OLFML2A: variants seen among roughly 807,000 people sequenced by gnomAD.
OLFML2A encodes the protein olfactomedin-like protein 2A.
In OLFML2A, 47 loss-of-function variants were observed where a neutral mutation model predicts 60.9. The ratio of observed to expected loss-of-function variants is 0.77; its 90% confidence interval spans 0.61 to 0.98. OLFML2A has a LOEUF of 0.98. Ranked by LOEUF, OLFML2A falls within the 50% of genes least tolerant of loss-of-function variation. The pLI is 0.00. For missense variants in OLFML2A, 922 were observed against 879.8 expected (o/e 1.05, Z -0.61); for synonymous variants, 372 against 375.0 (o/e 0.99, Z 0.09).
At chr9:124,809,392 T>C (rs1482662236) in intron 7 of OLFML2A, among the ~76,000 whole-genome samples, 5 of 151,236 alleles carry the variant, frequency 3.3e-5, no homozygotes, top group African/African-American at 1.2e-4. Context: ...GCTAGGGAGG[T>C]CAGTGAAGGT....
At position 124,777,195 on chromosome 9, in the gene OLFML2A, G is replaced by C; in HGVS notation, c.-76G>C. 2.0e-6 allele frequency: 1 copy of C among 500,720 alleles called. No homozygotes were observed. The highest frequency in any genetic ancestry group is 3.0e-6 in the Non-Finnish European group (1 of 330,502). 31.0% of individuals were successfully genotyped at this position (500,720 alleles called of 1,614,324 possible). On this transcript the variant is annotated 5_prime_UTR_variant, in exon 1 of 8. Transcript: ENST00000373580. This position sits in a 1 kb window ranked among gnomAD's most constrained non-coding sequence, Gnocchi z 6.2. ...CGCGGGGCAGGCAGAGCGGGCGAAGGCGCGGAGCTCGCAGTGCAGCCCGCG... is the reference window on the plus strand; with the variant it reads ...CGCGGGGCAGGCAGAGCGGGCGAAGCCGCGGAGCTCGCAGTGCAGCCCGCG...
chr9:124,786,649 A>G (rs1397018462), intron 1 of OLFML2A, among the ~76,000 whole-genome samples: 1 of 150,772 alleles, frequency 6.6e-6, no homozygotes, highest in Non-Finnish European at 1.5e-5. Context: ...TGAACCCAGG[A>G]GGCGGAGCTT....
chr9:124,810,726 A>T lies in OLFML2A; in HGVS notation c.*314A>T. On this transcript the variant is annotated 3_prime_UTR_variant, in exon 8 of 8. Transcript: ENST00000373580. ...TCAGAGAGGCACCGTCCCTTGCCTA[A>T]CACCTCAGTTGTGATCAGGCAGGCT... The T allele has an allele frequency of 2.6e-6, 1 of 385,524 alleles. No homozygotes were observed. Among genetic ancestry groups the T allele is most frequent in the East Asian group, 5.3e-5 (1 of 19,002 alleles). The allele number at this position is 385,524 out of a possible 1,614,324, so 23.9% of individuals were successfully genotyped here.
chr9:124,795,765 A>G (rs565225805), intron 3 of OLFML2A, among the ~76,000 whole-genome samples: 1 of 152,308 alleles, frequency 6.6e-6, no homozygotes, highest in South Asian at 2.1e-4. Flanking sequence ...AGACTGTCTC[A>G]AAATAAAAAA....
chr9:124,794,958 T>G (rs1392434442), intron 2 of OLFML2A, 66 bp from the exon 3 acceptor site: 2 of 962,540 alleles, frequency 2.1e-6, no homozygotes, highest in African/African-American at 3.2e-5. Context: ...AGGGTTCCTT[T>G]TACCCTCTGT....
chr9:124,810,313 C>G lies in OLFML2A; in HGVS notation c.1860C>G (p.His620Gln), dbSNP rs780114840. ...CCCAGCTGCCGTTCCTCAACGAGCACGCCTACACCACCCAGATCGACTACA... is the reference window on the plus strand; with the variant it reads ...CCCAGCTGCCGTTCCTCAACGAGCAGGCCTACACCACCCAGATCGACTACA... ...ARPQLPFLNE[H>Q]AYTTQIDYNP... Residue 620 changes from histidine to glutamine, a missense_variant, in exon 8 of 8, where the codon CAC (histidine) becomes CAG (glutamine). His to Gln is a conservative substitution (Grantham distance 24). Transcript: ENST00000373580. The G allele has an allele frequency of 6.2e-7, 1 of 1,607,526 alleles. No individual in the cohort carries two copies.
chr9:124,792,398 A>T (rs1841585238), intron 2 of OLFML2A, among the ~76,000 whole-genome samples: 1 of 151,916 alleles, frequency 6.6e-6, no homozygotes, highest in Non-Finnish European at 1.5e-5. Context: ...GTGTCCCCTG[A>T]TCTGGATGCC....
At chr9:124,785,407 T>C (rs984538009) in intron 1 of OLFML2A, among the ~76,000 whole-genome samples, 4 of 132,534 alleles carry the variant, frequency 3.0e-5, no homozygotes, top group African/African-American at 5.9e-5. Context: ...TTTTTTTTTT[T>C]TTTTTTTTGA....
intron 1 of OLFML2A, among the ~76,000 whole-genome samples, chr9:124,784,944 T>G (rs13300849): frequency 3.9e-5 from 3 of 76,680 alleles, no homozygotes; most frequent in Non-Finnish European, 7.2e-5. Flanking sequence ...CTTTTACTTG[T>G]TTTTTTTTTT....
At chr9:124,788,283 C>T (rs1477965854) in intron 2 of OLFML2A, among the ~76,000 whole-genome samples, 1 of 145,434 alleles carries the variant, frequency 6.9e-6, no homozygotes. Context: ...GCCTGAACGA[C>T]AGAGCGAGAC....
In OLFML2A at chr9:124,812,708, G is replaced by C. The variant is rs989331284; in HGVS notation, c.*2296G>C. 3.9e-5 allele frequency: 6 copies of C among 152,286 alleles called. No homozygotes were observed. The highest frequency in any genetic ancestry group is 3.4e-3 in the Middle Eastern group (1 of 294). The allele number at this position is 152,286 out of a possible 1,614,324, so 9.4% of individuals were successfully genotyped here. ...CCCTGGGTGTGGGTTTTACAAGACTGTGTCTTTCATGACATCATAGCCCAA... is the reference window on the plus strand; with the variant it reads ...CCCTGGGTGTGGGTTTTACAAGACTCTGTCTTTCATGACATCATAGCCCAA... On this transcript the variant is annotated 3_prime_UTR_variant, in exon 8 of 8. Transcript: ENST00000373580.
intron 7 of OLFML2A, among the ~76,000 whole-genome samples, chr9:124,808,474 T>C (rs964792512): frequency 6.6e-6 from 1 of 152,068 alleles, no homozygotes; most frequent in Admixed American, 6.5e-5. Flanking sequence ...ACCTGGGGAA[T>C]GATGCCAGGA....
At chr9:124,807,163 A>G (rs1433259847) in intron 6 of OLFML2A, among the ~76,000 whole-genome samples, 3 of 150,970 alleles carry the variant, frequency 2.0e-5, no homozygotes, top group African/African-American at 7.3e-5. Flanking sequence ...AGTTCAAGTG[A>G]TCCTCCCACC....
Position 124,777,328 on chromosome 9 carries a change from C to G in OLFML2A, c.58C>G (p.Leu20Val). The change falls in exon 1 of 8, where the codon CTG becomes GTG. Residue 20 changes from leucine (L) to valine (V), a missense_variant. Leu to Val is a conservative substitution (Grantham distance 32). Transcript: ENST00000373580. The surrounding 1 kb of genome is among the most constrained non-coding windows in gnomAD (Gnocchi z 6.2). Reference protein sequence around the residue: ...PLLLLPLVLLLSGRPTRADSK... With the variant: ...PLLLLPLVLLVSGRPTRADSK... ...GCTCCTTCTGCCGCTAGTGCTGCTGCTGAGCGGCCGCCCCACGCGCGCCGA... is the reference window on the plus strand; with the variant it reads ...GCTCCTTCTGCCGCTAGTGCTGCTGGTGAGCGGCCGCCCCACGCGCGCCGA... The G allele has an allele frequency of 4.6e-6, 6 of 1,294,820 alleles. No homozygotes were observed. The highest frequency in any genetic ancestry group is 5.9e-6 in the Non-Finnish European group (6 of 1,016,220). 80.2% of individuals were successfully genotyped at this position (1,294,820 alleles called of 1,614,324 possible).
At chr9:124,798,754 AG>A (rs1841714184) in intron 3 of OLFML2A, among the ~76,000 whole-genome samples, 1 of 151,874 alleles carries the variant, frequency 6.6e-6, no homozygotes, top group African/African-American at 2.4e-5. Context: ...AGAAAGAAAA[AG>A]AAAAAGAAAA....
intron 4 of OLFML2A, among the ~76,000 whole-genome samples, chr9:124,800,496 C>A (rs1435511270): frequency 6.6e-6 from 1 of 152,234 alleles, no homozygotes. Flanking sequence ...CTGGGACTGG[C>A]AGCCAGGTCT....
chr9:124,804,288 AC>A lies in OLFML2A; in HGVS notation c.1116del (p.Thr373ProfsTer34). On this transcript the variant is annotated frameshift_variant, in exon 6 of 8. Transcript: ENST00000373580. LOFTEE classifies it high-confidence loss of function. Reference sequence around the variant, plus strand: ...CACCGCCACCACCACCCCAACCCCCACCACCAGTCTCCTGCCCACCGAGCCA... The same window carrying A: ...CACCGCCACCACCACCCCAACCCCCACACCAGTCTCCTGCCCACCGAGCCA... Reference protein sequence around the residue: ...TTTATTTPTPTTSLLPTEPPS... With the variant: ...TTTATTTPTPXTSLLPTEPPS... 1.9e-6 allele frequency: 1 copy of A among 515,988 alleles called. No individual in the cohort carries two copies. The highest frequency in any genetic ancestry group is 3.1e-6 in the Non-Finnish European group (1 of 318,502). 32.0% of individuals were successfully genotyped at this position (515,988 alleles called of 1,614,324 possible).
intron 3 of OLFML2A, among the ~76,000 whole-genome samples, chr9:124,798,915 A>G (rs757500480): frequency 5.9e-5 from 9 of 152,184 alleles, no homozygotes; most frequent in Non-Finnish European, 1.2e-4. Flanking sequence ...ATATGTGTGT[A>G]TGTATACATG....
chr9:124,785,184 C>A (rs1841440377), intron 1 of OLFML2A, among the ~76,000 whole-genome samples: 1 of 151,406 alleles, frequency 6.6e-6, no homozygotes, highest in Admixed American at 6.6e-5. Context: ...GAACTCCCGA[C>A]CTCAGGTGAT....
Sources: allele counts gnomAD v4.1 joint callset (sites outside exome capture counted in the v4.1 genomes callset), GRCh38; gene constraint gnomAD v4.1.1; non-coding constraint Gnocchi (gnomAD v3.1); transcripts MANE v1.5; gene names NCBI Gene and HGNC (gene_info 2026-07-23, HGNC 2026-07-21).